ZFP2: variants seen among roughly 807,000 people sequenced by gnomAD.
ZFP2 encodes ZFP2 zinc finger protein, also known as zinc finger protein ZFP2.
In ZFP2, 33 loss-of-function variants were observed where a neutral mutation model predicts 36.1. The ratio of observed to expected loss-of-function variants is 0.92; its 90% confidence interval spans 0.69 to 1.22. The LOEUF is 1.22. Ranked by LOEUF, ZFP2 falls within the 50% of genes most tolerant of loss-of-function variation. The probability of loss-of-function intolerance (pLI) is 0.00; values close to 1 mark genes in which losing one functional copy is unlikely to be tolerated. For missense variants in ZFP2, 522 were observed against 551.4 expected (o/e 0.95, Z 0.53); for synonymous variants, 170 against 178.0 (o/e 0.96, Z 0.36).
At chr5:178,910,452 G>C (rs757918377) in intron 1 of ZFP2, 10 of 721,992 alleles carry the variant, frequency 1.4e-5, no homozygotes, top group Non-Finnish European at 2.6e-5. Context: ...CCATTGACAA[G>C]GCTATCTCTA....
intron 1 of ZFP2, among the ~76,000 whole-genome samples, chr5:178,900,574 T>A (rs1307632304): frequency 3.3e-3 from 41 of 12,302 alleles, no homozygotes; most frequent in African/African-American, 6.3e-3. Flanking sequence ...CACGTCCCCC[T>A]CCCCAGCCAG....
intron 4 of ZFP2, among the ~76,000 whole-genome samples, chr5:178,921,018 A>G (rs530843011): frequency 2.0e-5 from 3 of 152,318 alleles, no homozygotes; most frequent in African/African-American, 7.2e-5. Flanking sequence ...AAGTCCAACC[A>G]GCTTTCTGTG....
intron 1 of ZFP2, among the ~76,000 whole-genome samples, chr5:178,897,217 C>G (rs1277572692): frequency 1.3e-5 from 2 of 152,098 alleles, no homozygotes; most frequent in Non-Finnish European, 2.9e-5. Flanking sequence ...TAAACACTTG[C>G]AGTGTAAGAG....
intron 1 of ZFP2, among the ~76,000 whole-genome samples, chr5:178,897,492 C>A (rs571888543): frequency 6.6e-6 from 1 of 152,154 alleles, no homozygotes; most frequent in East Asian, 1.9e-4. Context: ...GTCTGTCCCA[C>A]GAGATTACAA....
At position 178,931,555 on chromosome 5, in the gene ZFP2, A is replaced by C. The variant is rs1758840037; in HGVS notation, c.242A>C (p.Glu81Ala). Residue 81 changes from glutamate (E) to alanine (A), a missense_variant, in exon 5 of 5, where the codon GAA becomes GCA. Transcript: ENST00000361362. Reference protein sequence around the residue: ...KRPHNCNSHGEDATQNSELIK... With the variant: ...KRPHNCNSHGADATQNSELIK... ...CCCCATAACTGTAATTCACATGGAG[A>C]AGATGCCACACAAAATTCTGAGTTA... 6.2e-7 allele frequency: 1 copy of C among 1,614,194 alleles called. No individual in the cohort carries two copies. The highest frequency in any genetic ancestry group is 1.7e-5 in the Admixed American group (1 of 60,030).
Position 178,931,875 on chromosome 5 carries a change from T to C in ZFP2, c.562T>C (p.Cys188Arg), listed in dbSNP as rs1425342163. Residue 188 changes from cysteine to arginine, a missense_variant, in exon 5 of 5, where the codon TGT (cysteine) becomes CGT (arginine). Cys to Arg is a radical substitution (Grantham distance 180). Coordinates refer to ENST00000361362, the MANE Select transcript of ZFP2 (RefSeq NM_030613.4). ...RTHTGEKPYQ[C>R]KECGKAFHKN... is the part of the protein sequence containing the mutation. ...TCACACCGGAGAGAAACCCTATCAG[T>C]GTAAAGAGTGTGGCAAAGCCTTCCA... 6.2e-7 allele frequency: 1 copy of C among 1,612,852 alleles called. No homozygotes were observed. The highest frequency in any genetic ancestry group is 8.5e-7 in the Non-Finnish European group (1 of 1,179,028).
At chr5:178,899,876 T>C (rs968176032) in intron 1 of ZFP2, among the ~76,000 whole-genome samples, 1 of 152,146 alleles carries the variant, frequency 6.6e-6, no homozygotes, top group Non-Finnish European at 1.5e-5. Context: ...TAGGGGTCGT[T>C]GATTTATTAG....
At chr5:178,916,314 A>C (rs1758430380) in intron 3 of ZFP2, among the ~76,000 whole-genome samples, 1 of 152,192 alleles carries the variant, frequency 6.6e-6, no homozygotes, top group Non-Finnish European at 1.5e-5. Context: ...AGTGAAGAGG[A>C]AGCAAGCAAG....
At chr5:178,909,936 G>A (rs1758255043) in intron 1 of ZFP2, 1 of 1,441,690 alleles carries the variant, frequency 6.9e-7, no homozygotes, top group South Asian at 1.2e-5. Flanking sequence ...GGGGTTCTCT[G>A]TTAGGAAGTT....
chr5:178,902,467 G>T (rs936115624), intron 1 of ZFP2, among the ~76,000 whole-genome samples: 2 of 152,086 alleles, frequency 1.3e-5, no homozygotes, highest in Non-Finnish European at 2.9e-5. Flanking sequence ...TTTAGCTGTC[G>T]TATCTCCTTG....
At chr5:178,918,025 AC>A (rs1418979377) in intron 4 of ZFP2, among the ~76,000 whole-genome samples, 2 of 152,054 alleles carry the variant, frequency 1.3e-5, no homozygotes, top group Non-Finnish European at 2.9e-5. Context: ...TTTTCTTATG[AC>A]CCACTTTAAA....
chr5:178,914,402 A>G (rs1758374581), intron 3 of ZFP2, among the ~76,000 whole-genome samples: 1 of 152,154 alleles, frequency 6.6e-6, no homozygotes, highest in African/African-American at 2.4e-5. Flanking sequence ...TACATATTGC[A>G]CTGCTTTAGA....
chr5:178,931,854 A>C lies in ZFP2; in HGVS notation c.541A>C (p.Thr181Pro). Residue 181 changes from threonine (T) to proline (P), a missense_variant, in exon 5 of 5, where the codon ACC (threonine) becomes CCC (proline). Physicochemically the swap from Thr to Pro is conservative, Grantham distance 38. Coordinates refer to ENST00000361362, the MANE Select transcript of ZFP2 (RefSeq NM_030613.4). ...TCTTACTGTCCATCAACGAACTCAC[A>C]CCGGAGAGAAACCCTATCAGTGTAA... ...MNLTVHQRTHTGEKPYQCKEC... is the reference protein window; with the variant it reads ...MNLTVHQRTHPGEKPYQCKEC... 6.2e-7 allele frequency: 1 copy of C among 1,612,482 alleles called. No individual in the cohort carries two copies. The highest frequency in any genetic ancestry group is 8.5e-7 in the Non-Finnish European group (1 of 1,178,662).
At chr5:178,903,258 C>T (rs10043597) in intron 1 of ZFP2, among the ~76,000 whole-genome samples, 40,562 of 152,088 alleles carry the variant, frequency 0.27, 5,401 homozygotes, top group East Asian at 0.34. Flanking sequence ...TTTCATCTTT[C>T]CCATATTGGC....
chr5:178,906,330 T>C (rs779176832), intron 1 of ZFP2, among the ~76,000 whole-genome samples: 2 of 152,210 alleles, frequency 1.3e-5, no homozygotes, highest in Non-Finnish European at 2.9e-5. Context: ...CATTTCTGAT[T>C]TGATACCTTC....
intron 4 of ZFP2, among the ~76,000 whole-genome samples, chr5:178,916,942 G>A (rs1758443772): frequency 6.6e-6 from 1 of 151,986 alleles, no homozygotes; most frequent in Admixed American, 6.6e-5. Context: ...TCTTTTCTCT[G>A]TACTAAAGCT....
At position 178,931,369 on chromosome 5, in the gene ZFP2, A is replaced by G. The variant is rs1758833085; in HGVS notation, c.56A>G (p.Asn19Ser). 8.1e-6 allele frequency: 13 copies of G among 1,613,548 alleles called. No homozygotes were observed. The highest frequency in any genetic ancestry group is 1.1e-5 in the Non-Finnish European group (13 of 1,179,826). The change falls in exon 5 of 5, where the codon AAT becomes AGT. Residue 19 changes from asparagine to serine, a missense_variant. Asn to Ser is a conservative substitution (Grantham distance 46, BLOSUM62 1). Transcript: ENST00000361362. The part of the protein sequence containing the change: ...STLGETWEPN[N>S]WLEGQQDSHL... ...CTAGGGGAAACCTGGGAACCTAATA[A>G]TTGGTTAGAGGGACAACAGGATAGT...
intron 1 of ZFP2, among the ~76,000 whole-genome samples, chr5:178,912,086 A>T (rs995242213): frequency 6.6e-6 from 1 of 152,202 alleles, no homozygotes; most frequent in Non-Finnish European, 1.5e-5. Flanking sequence ...TAAGCCGAGA[A>T]CGTGCCACTG....
intron 4 of ZFP2, 135 bp from the exon 5 acceptor site, chr5:178,931,102 T>G: frequency 1.0e-6 from 1 of 952,972 alleles, no homozygotes. Context: ...TTTGGGTACA[T>G]GTTTGAAAGC....
Sources: gnomAD v4.1 joint callset for allele counts (sites outside exome capture counted in the v4.1 genomes callset) on GRCh38, gnomAD v4.1.1 for gene constraint, MANE v1.5 for transcripts, NCBI Gene and HGNC (gene_info 2026-07-23, HGNC 2026-07-21) for gene names.